KIF17: variants seen among roughly 807,000 people sequenced by gnomAD.
The protein encoded by KIF17 is kinesin family member 17.
Under a neutral mutation model 96.8 loss-of-function variants are expected in KIF17, and 80 were observed. That is an observed-to-expected ratio of 0.83 (90% CI 0.69 to 1.00). The LOEUF is 1.00. KIF17 is among the 50% of genes least tolerant of loss of function. The pLI, the probability that KIF17 is intolerant of heterozygous loss-of-function variation, is 0.00. For missense variants in KIF17, 1,280 were observed against 1,372.9 expected (o/e 0.93, Z 1.07); for synonymous variants, 567 against 587.5 (o/e 0.97, Z 0.51).
At chr1:20,679,643 C>A (rs1026148121) in intron 11 of KIF17, among the ~76,000 whole-genome samples, 31 of 152,242 alleles carry the variant, frequency 2.0e-4, no homozygotes, top group African/African-American at 6.5e-4. Flanking sequence ...TTGCAGGGAT[C>A]CAGGAGCCCA....
chr1:20,710,196 C>G lies in KIF17; in HGVS notation c.481-368G>C, dbSNP rs868676601. Among the ~76,000 whole-genome samples the G allele has an allele frequency of 2.0e-4, 31 of 152,232 alleles. 1 individual carries two copies. The highest frequency in any genetic ancestry group is 7.5e-4 in the African/African-American group (31 of 41,466). On this transcript the variant is annotated intron_variant, in intron 3 of 14. Coordinates refer to ENST00000400463, the MANE Select transcript of KIF17 (RefSeq NM_001122819.3). ...GTGCCCCATAGATGCCAGCCACTGT[C>G]TGTGCTGTTGTTGTTAGTGCTATGA...
chr1:20,683,288 A>G (rs2053865894), intron 10 of KIF17, among the ~76,000 whole-genome samples: 1 of 152,244 alleles, frequency 6.6e-6, no homozygotes, highest in Non-Finnish European at 1.5e-5. Context: ...TCAGGCAGGG[A>G]CATGCACAAT....
At chr1:20,705,044 A>T (rs1447261062) in intron 4 of KIF17, 145 bp from the exon 5 acceptor site, 21 of 740,598 alleles carry the variant, frequency 2.8e-5, no homozygotes, top group Non-Finnish European at 5.0e-5. Context: ...AGGTGCTATT[A>T]TTGGGTTCAT....
At position 20,687,904 on chromosome 1, in the gene KIF17, G is replaced by T. The variant is rs756421987; in HGVS notation, c.1422C>A (p.Val474=). 5.0e-6 allele frequency: 8 copies of T among 1,613,830 alleles called. No individual in the cohort carries two copies. In the East Asian group the frequency reaches 6.7e-5, roughly 13 times the overall value. The change falls in exon 8 of 15, where the codon GTC becomes GTA. Residue 474 remains valine (V), a synonymous_variant. Coordinates refer to ENST00000400463, the MANE Select transcript of KIF17 (RefSeq NM_001122819.3). This position sits in a 1 kb window ranked among gnomAD's most constrained non-coding sequence, Gnocchi z 4.4. ...TGCTGGCAAACTCAGCCCTGGACAT[G>T]ACCTCAGCCTTGTAGAGGACTCCCA... is the stretch of plus-strand genomic sequence containing the variant. ...LQVGVLYKAE[V]MSRAEFASSA...
intron 11 of KIF17, among the ~76,000 whole-genome samples, chr1:20,677,890 C>T (rs933493942): frequency 1.3e-5 from 2 of 152,208 alleles, no homozygotes; most frequent in Non-Finnish European, 2.9e-5. Flanking sequence ...TCTCTCCATA[C>T]TGCTGTGACC....
chr1:20,706,072 C>A (rs1397006104), intron 4 of KIF17, among the ~76,000 whole-genome samples: 2 of 151,294 alleles, frequency 1.3e-5, no homozygotes, highest in Non-Finnish European at 3.0e-5. Flanking sequence ...CCACGCCTGG[C>A]TAATTTCTTT....
chr1:20,710,604 C>T (rs1344221434), intron 3 of KIF17, among the ~76,000 whole-genome samples: 1 of 152,158 alleles, frequency 6.6e-6, no homozygotes, highest in East Asian at 1.9e-4. Flanking sequence ...TGAATGAGGA[C>T]AAAAGGCATT....
Position 20,672,122 on chromosome 1 carries a change from G to A in KIF17, c.2538C>T (p.Thr846=). ...FQLEKIDYLA[T]IRRQERDSML... ...TGGAGTCACGCTCCTGCCGGCGGATGGTGGCCAAGTAATCGATCTTCTCCA... is the reference window on the plus strand; with the variant it reads ...TGGAGTCACGCTCCTGCCGGCGGATAGTGGCCAAGTAATCGATCTTCTCCA... Residue 846 remains threonine, a synonymous_variant, in exon 12 of 15, where the codon ACC becomes ACT. Transcript: ENST00000400463. The surrounding 1 kb of genome is among the most constrained non-coding windows in gnomAD (Gnocchi z 4.3). The A allele has an allele frequency of 6.2e-7, 1 of 1,614,178 alleles. No individual in the cohort carries two copies. Among genetic ancestry groups the A allele is most frequent in the Non-Finnish European group, 8.5e-7 (1 of 1,180,046 alleles).
In KIF17 at chr1:20,687,277, C is replaced by A. The variant is rs2053954191; in HGVS notation, c.1938+111G>T. 4.0e-6 allele frequency: 5 copies of A among 1,238,296 alleles called. No individual in the cohort carries two copies. In the Admixed American group the frequency reaches 5.1e-5, roughly 13 times the overall value. 76.7% of individuals were successfully genotyped at this position (1,238,296 alleles called of 1,614,324 possible). On this transcript the variant is annotated intron_variant, in intron 8 of 14. Transcript: ENST00000400463. The surrounding 1 kb of genome is among the most constrained non-coding windows in gnomAD (Gnocchi z 4.4). ...CGCAGCAGACACAGTGGAGCCACGG[C>A]CTGAGTGTCGGAGGCCATGTGTGTG...
intron 6 of KIF17, among the ~76,000 whole-genome samples, chr1:20,695,802 T>TCTTACTTCCATGCTCCCG (rs1370190289): frequency 3.7e-4 from 57 of 152,280 alleles, no homozygotes; most frequent in African/African-American, 1.3e-3. Flanking sequence ...CCCGACAGTC[T>TCTTACTTCCATGCTCCCG]ACAACACATG....
At chr1:20,689,613 T>G (rs752497532) in intron 7 of KIF17, among the ~76,000 whole-genome samples, 1 of 152,006 alleles carries the variant, frequency 6.6e-6, no homozygotes, top group Non-Finnish European at 1.5e-5. Context: ...GTCATGCCAC[T>G]GCACTCCAGC....
At position 20,684,879 on chromosome 1, in the gene KIF17, C is replaced by T. The variant is rs745389399; in HGVS notation, c.2161G>A (p.Val721Met). Residue 721 changes from valine to methionine, a missense_variant, in exon 10 of 15, where the codon GTG (valine) becomes ATG (methionine). Coordinates refer to ENST00000400463, the MANE Select transcript of KIF17 (RefSeq NM_001122819.3). ...GTCAGCACTGCCACCTCCATGCCCA[C>T]GCTCTCCCTCTTCACACCAGCTGTG... ...PATAGVKRES[V>M]GMEVAVLTDD... 1.4e-5 allele frequency: 23 copies of T among 1,597,752 alleles called. No individual in the cohort carries two copies. The highest frequency in any genetic ancestry group is 6.7e-5 in the African/African-American group (5 of 74,552).
Position 20,717,735 on chromosome 1 carries a change from G to T in KIF17, c.-29C>A, listed in dbSNP as rs779167656. On this transcript the variant is annotated 5_prime_UTR_variant, in exon 1 of 15. It adds an upstream start codon to the 5' untranslated region. Coordinates refer to ENST00000400463, the MANE Select transcript of KIF17 (RefSeq NM_001122819.3). ...GCCGCGCCCAGGACCAACGGGACCAGAGCTGACCCCCGCCCCGCCGGGGAC... is the reference window on the plus strand; with the variant it reads ...GCCGCGCCCAGGACCAACGGGACCATAGCTGACCCCCGCCCCGCCGGGGAC... 10 of 1,529,124 alleles carry T rather than the reference G, an allele frequency of 6.5e-6. No individual in the cohort carries two copies. The highest frequency in any genetic ancestry group is 8.7e-6 in the Non-Finnish European group (10 of 1,145,124). The allele number at this position is 1,529,124 out of a possible 1,614,324, so 94.7% of individuals were successfully genotyped here. A position where few individuals can be genotyped will look rare whatever the true frequency, so the allele number is the denominator to read the frequency against.
chr1:20,717,068 G>A (rs530515450), intron 1 of KIF17, among the ~76,000 whole-genome samples: 5 of 152,180 alleles, frequency 3.3e-5, no homozygotes, highest in Admixed American at 6.5e-5. Context: ...GGCCGGACGC[G>A]GTGCCTCATG....
chr1:20,665,394 A>ATTT (rs33986427), intron 14 of KIF17, among the ~76,000 whole-genome samples: 1,750 of 80,866 alleles, frequency 0.022, 96 homozygotes, highest in Non-Finnish European at 0.031. Context: ...TACCCAGCTA[A>ATTT]TTTTTTTTTT....
chr1:20,672,090 A>C lies in KIF17; in HGVS notation c.2570T>G (p.Leu857Trp). The change falls in exon 12 of 15, where the codon TTG becomes TGG. Residue 857 changes from leucine to tryptophan, a missense_variant. Leu to Trp is a moderately conservative substitution (Grantham distance 61). Transcript: ENST00000400463. This position sits in a 1 kb window ranked among gnomAD's most constrained non-coding sequence, Gnocchi z 4.3. ...IRRQERDSML[L>W]QQLLEQVQPL... ...CTGCACCTGCTCCAGGAGCTGCTGC[A>C]AGAGCATGGAGTCACGCTCCTGCCG... 1.2e-6 allele frequency: 2 copies of C among 1,614,250 alleles called. No individual in the cohort carries two copies. The highest frequency in any genetic ancestry group is 1.7e-6 in the Non-Finnish European group (2 of 1,180,048).
At chr1:20,680,969 C>T (rs908784347) in intron 11 of KIF17, among the ~76,000 whole-genome samples, 11 of 151,020 alleles carry the variant, frequency 7.3e-5, no homozygotes, top group Non-Finnish European at 1.5e-4. Flanking sequence ...TAAAAAAATA[C>T]AAAAAAATTA....
intron 6 of KIF17, among the ~76,000 whole-genome samples, chr1:20,691,117 C>T (rs982588152): frequency 4.6e-5 from 7 of 151,586 alleles, no homozygotes; most frequent in Non-Finnish European, 1.0e-4. Flanking sequence ...GCCAACATGG[C>T]GAAACCCCGC....
intron 3 of KIF17, among the ~76,000 whole-genome samples, chr1:20,713,005 A>T (rs1291147713): frequency 7.1e-6 from 1 of 141,568 alleles, no homozygotes; most frequent in Non-Finnish European, 1.5e-5. Context: ...ATATAGATAT[A>T]TATATTTTGA....
Sources: allele counts gnomAD v4.1 joint callset (sites outside exome capture counted in the v4.1 genomes callset), GRCh38; gene constraint gnomAD v4.1.1; non-coding constraint Gnocchi (gnomAD v3.1); transcripts MANE v1.5; gene names NCBI Gene and HGNC (gene_info 2026-07-23, HGNC 2026-07-21).